Variants in DLL1 observed in about 807,000 individuals in gnomAD.
DLL1 encodes delta like canonical Notch ligand 1.
DLL1 carries 9 observed loss-of-function variants against 75.1 expected under a neutral mutation model. That is an observed-to-expected ratio of 0.12 (90% confidence interval 0.07 to 0.21). The LOEUF (loss-of-function observed/expected upper bound fraction) is 0.21. Ranked by LOEUF, DLL1 falls within the 10% of genes least tolerant of loss-of-function variation. The probability of loss-of-function intolerance (pLI) is 1.00; values close to 1 mark genes in which losing one functional copy is unlikely to be tolerated. For synonymous variants in DLL1, 477 were observed against 418.3 expected (o/e 1.14, Z -1.71); for missense variants, 837 against 1,007.6 (o/e 0.83, Z 2.29).
chr6:170,286,802 T>TAC (rs143742416), intron 4 of DLL1, among the ~76,000 whole-genome samples: 8,444 of 149,046 alleles, frequency 0.057, 437 homozygotes, highest in African/African-American at 0.14. Context: ...CCCTCGCGTG[T>TAC]ACACACACAC....
rs1232620311 is a variant in DLL1, at chr6:170,290,280, C to T, written c.-141G>A. Reference sequence around the variant, plus strand: ...TCGCCCCAGACCGCAGGACCCAGGACTTCTTTCTTTAAAAGCCGGTCTCCG... The same window carrying T: ...TCGCCCCAGACCGCAGGACCCAGGATTTCTTTCTTTAAAAGCCGGTCTCCG... On this transcript the variant is annotated 5_prime_UTR_variant, in exon 1 of 11. Coordinates refer to ENST00000366756, the MANE Select transcript of DLL1 (RefSeq NM_005618.4). This position sits in a 1 kb window ranked among gnomAD's most constrained non-coding sequence, Gnocchi z 4.7. 1 of 897,258 alleles carries T rather than the reference C, an allele frequency of 1.1e-6. No individual in the cohort carries two copies. The highest frequency in any genetic ancestry group is 1.6e-6 in the Non-Finnish European group (1 of 635,960). 55.6% of individuals were successfully genotyped at this position (897,258 alleles called of 1,614,324 possible). A position where few individuals can be genotyped will look rare whatever the true frequency, so the allele number is the denominator to read the frequency against.
chr6:170,284,341 G>T (rs995699789), intron 8 of DLL1, among the ~76,000 whole-genome samples: 2 of 152,182 alleles, frequency 1.3e-5, no homozygotes, highest in African/African-American at 4.8e-5. Context: ...GGTTTCAGAT[G>T]GGGAAACTGA....
At chr6:170,286,506 G>C (rs1783696528) in intron 4 of DLL1, among the ~76,000 whole-genome samples, 1 of 152,146 alleles carries the variant, frequency 6.6e-6, no homozygotes, top group Non-Finnish European at 1.5e-5. Flanking sequence ...TAACACAGGG[G>C]CTCAAGGACA....
intron 2 of DLL1, 48 bp downstream of exon 2, chr6:170,289,464 C>A: frequency 6.6e-7 from 1 of 1,524,474 alleles, no homozygotes. Flanking sequence ...CGTCCTGCAG[C>A]CCGCCCAGCT....
Position 170,283,078 on chromosome 6 carries a change from C to T in DLL1, c.2076G>A (p.Pro692=), listed in dbSNP as rs75652420. 2,435 of 1,614,088 alleles carry T rather than the reference C, an allele frequency of 1.5e-3. 31 individuals carry two copies. In the African/African-American group the frequency reaches 0.029, roughly 19 times the overall value. ...RGGEASERKR[P]DSGCSTSKDT... Reference sequence around the variant, plus strand: ...CTTTTGAAGTTGAACAGCCCGAGTCCGGCCTTTTTCTTTCAGATGCTTCTC... The same window carrying T: ...CTTTTGAAGTTGAACAGCCCGAGTCTGGCCTTTTTCTTTCAGATGCTTCTC... The change falls in exon 10 of 11, where the codon CCG becomes CCA. Residue 692 remains proline, a synonymous_variant. Transcript: ENST00000366756.
In DLL1 at chr6:170,283,908, G is replaced by C; in HGVS notation, c.1371C>G (p.Thr457=). 1 of 1,603,920 alleles carries C rather than the reference G, an allele frequency of 6.2e-7. No homozygotes were observed. The highest frequency in any genetic ancestry group is 8.5e-7 in the Non-Finnish European group (1 of 1,178,102). The change falls in exon 9 of 11, where the codon ACC becomes ACG. Residue 457 remains threonine, a synonymous_variant. Coordinates refer to ENST00000366756, the MANE Select transcript of DLL1 (RefSeq NM_005618.4). Reference sequence around the variant, plus strand: ...AGAAGTCGTTCACGCCATCCCGGCAGGTGCCCCCGTTGGCGCACGGGGAGG... The same window carrying C: ...AGAAGTCGTTCACGCCATCCCGGCACGTGCCCCCGTTGGCGCACGGGGAGG... ...CASSPCANGG[T]CRDGVNDFSC...
In DLL1 at chr6:170,286,826, C is replaced by T. The variant is rs554870380; in HGVS notation, c.671-528G>A. 2.8e-3 allele frequency among the ~76,000 whole-genome samples: 419 copies of T among 152,012 alleles called. 1 individual carries two copies. The highest frequency in any genetic ancestry group is 9.6e-3 in the African/African-American group (398 of 41,330). ...GTACACACACACACACACACACACA[C>T]GCACACGCACCCCTTCCGCCAATGG... On this transcript the variant is annotated intron_variant, in intron 4 of 10. Transcript: ENST00000366756.
chr6:170,288,817 C>G (rs1212406301), intron 2 of DLL1, 28 bp from the exon 3 acceptor site: 1 of 1,613,596 alleles, frequency 6.2e-7, no homozygotes, highest in South Asian at 1.1e-5. Flanking sequence ...AGACGTTAGA[C>G]AACCCAGAAA....
chr6:170,290,110 C>T lies in DLL1; in HGVS notation c.30G>A (p.Ala10=). Residue 10 remains alanine (A), a synonymous_variant, in exon 1 of 11, where the codon GCG becomes GCA. Coordinates refer to ENST00000366756, the MANE Select transcript of DLL1 (RefSeq NM_005618.4). The surrounding 1 kb of genome is among the most constrained non-coding windows in gnomAD (Gnocchi z 4.7). Reference sequence around the variant, plus strand: ...CCTGACACAGCAAGGCCGAGAGCACCGCCAGGGCCAGCGCGCACCGACTGC... The same window carrying T: ...CCTGACACAGCAAGGCCGAGAGCACTGCCAGGGCCAGCGCGCACCGACTGC... MGSRCALAL[A]VLSALLCQVW... 6.3e-7 allele frequency: 1 copy of T among 1,592,194 alleles called. No individual in the cohort carries two copies. Among genetic ancestry groups the T allele is most frequent in the Non-Finnish European group, 8.5e-7 (1 of 1,177,178 alleles).
chr6:170,286,163 T>G, intron 5 of DLL1, 75 bp downstream of exon 5: 3 of 1,599,554 alleles, frequency 1.9e-6, no homozygotes, highest in Non-Finnish European at 2.6e-6. Context: ...CTAGGGCTGT[T>G]TTTACAAATA....
Position 170,290,797 on chromosome 6 carries a change from T to A in DLL1, c.-658A>T. ...GCGTCTTTCCGATGAATCCAGCCAA[T>A]GCCATCCAGTACACACGCGCAGGAC... On this transcript the variant is annotated 5_prime_UTR_variant, in exon 1 of 11. Transcript: ENST00000366756. This position sits in a 1 kb window ranked among gnomAD's most constrained non-coding sequence, Gnocchi z 4.7. 1.7e-6 allele frequency: 1 copy of A among 574,656 alleles called. No individual in the cohort carries two copies. The highest frequency in any genetic ancestry group is 3.1e-6 in the Non-Finnish European group (1 of 322,938). The allele number at this position is 574,656 out of a possible 1,614,324, so 35.6% of individuals were successfully genotyped here. A position where few individuals can be genotyped will look rare whatever the true frequency, so the allele number is the denominator to read the frequency against.
At chr6:170,288,604 C>G in intron 3 of DLL1, 108 bp from the exon 4 acceptor site, 1 of 1,610,038 alleles carries the variant, frequency 6.2e-7, no homozygotes, top group African/African-American at 1.3e-5. Flanking sequence ...CCAAGCTGCT[C>G]CACCCTGAAC....
intron 4 of DLL1, 157 bp downstream of exon 4, chr6:170,288,082 T>G: frequency 8.9e-7 from 1 of 1,117,626 alleles, no homozygotes; most frequent in Non-Finnish European, 1.3e-6. Flanking sequence ...ACTGACGAGC[T>G]GTGACTTATA....
At chr6:170,284,258 C>T (rs138230902) in intron 8 of DLL1, among the ~76,000 whole-genome samples, 5 of 152,316 alleles carry the variant, frequency 3.3e-5, no homozygotes, top group African/African-American at 1.2e-4. Context: ...TCTGGACAGG[C>T]GCTGTGCAGA....
rs369081016 is a variant in DLL1, at chr6:170,283,695, C to T, written c.1584G>A (p.Ala528=). 13 of 1,558,180 alleles carry T rather than the reference C, an allele frequency of 8.3e-6. No homozygotes were observed. The highest frequency in any genetic ancestry group is 6.8e-5 in the African/African-American group (5 of 73,840). The change falls in exon 9 of 11, where the codon GCG becomes GCA. Residue 528 remains alanine (A), a synonymous_variant. Transcript: ENST00000366756. ...FLLPELPPGP[A]VVDLTEKLEG... is the part of the protein sequence containing the mutation. ...CTAGCTTCTCAGTGAGGTCCACCACCGCTGGGCCCGGGGGCAGCTCGGGGA... is the reference window on the plus strand; with the variant it reads ...CTAGCTTCTCAGTGAGGTCCACCACTGCTGGGCCCGGGGGCAGCTCGGGGA...
At chr6:170,287,612 T>C (rs1783731665) in intron 4 of DLL1, among the ~76,000 whole-genome samples, 1 of 152,200 alleles carries the variant, frequency 6.6e-6, no homozygotes, top group Admixed American at 6.5e-5. Context: ...ACATTGCTTC[T>C]CCAGACAAGG....
At chr6:170,283,187 A>AC (rs1783601150) in intron 9 of DLL1, 44 bp downstream of exon 9, 3 of 1,612,488 alleles carry the variant, frequency 1.9e-6, no homozygotes, top group Non-Finnish European at 2.5e-6. Context: ...CCAGGAAGAC[A>AC]CCCCCCAGGT....
rs754137812 is a variant in DLL1 at position 170,283,051 on chromosome 6, G to A, written c.2103C>T (p.Asp701=). 1.4e-5 allele frequency: 22 copies of A among 1,614,008 alleles called. No homozygotes were observed. In the African/African-American group the frequency reaches 2.8e-4, roughly 21 times the overall value. ...TGACGTACACCGACTGGTACTTGGTGTCTTTTGAAGTTGAACAGCCCGAGT... is the reference window on the plus strand; with the variant it reads ...TGACGTACACCGACTGGTACTTGGTATCTTTTGAAGTTGAACAGCCCGAGT... The part of the protein sequence containing the change: ...RPDSGCSTSK[D]TKYQSVYVIS... Residue 701 remains aspartate (D), a synonymous_variant, in exon 10 of 11, where the codon GAC becomes GAT. Coordinates refer to ENST00000366756, the MANE Select transcript of DLL1 (RefSeq NM_005618.4).
intron 8 of DLL1, 45 bp downstream of exon 8, chr6:170,284,874 G>A: frequency 6.3e-7 from 1 of 1,591,740 alleles, no homozygotes; most frequent in Non-Finnish European, 8.6e-7. Flanking sequence ...CCTCAGTATT[G>A]ACCGCTCGCC....
Sources: allele counts gnomAD v4.1 joint callset (sites outside exome capture counted in the v4.1 genomes callset), GRCh38; gene constraint gnomAD v4.1.1; non-coding constraint Gnocchi (gnomAD v3.1); transcripts MANE v1.5; gene names NCBI Gene and HGNC (gene_info 2026-07-23, HGNC 2026-07-21).